The following PPAN variants were observed in gnomAD, a reference collection of about 807,000 sequenced individuals.
PPAN encodes peter pan homolog.
In PPAN, 39 loss-of-function variants were observed where a neutral mutation model predicts 48.5. The observed-to-expected ratio is 0.80, with a 90% CI of 0.62 to 1.05. PPAN has a LOEUF of 1.05. Ranked by LOEUF, PPAN falls within the 50% of genes least tolerant of loss-of-function variation. PPAN has a pLI of 0.00. For missense variants in PPAN, 736 were observed against 661.7 expected (o/e 1.11, Z -1.23); for synonymous variants, 315 against 268.6 (o/e 1.17, Z -1.69).
rs1476337188 is a variant in PPAN, at chr19:10,106,598, C to G, written c.116C>G (p.Thr39Arg). 5 of 1,550,548 alleles carry G rather than the reference C, an allele frequency of 3.2e-6. No homozygotes were observed. The highest frequency in any genetic ancestry group is 4.4e-6 in the Non-Finnish European group (5 of 1,147,862). The change falls in exon 2 of 12, where the codon ACG becomes AGG. Residue 39 changes from threonine to arginine, a missense_variant. Transcript: ENST00000253107. ...TCGTTCGTGTTCACGCGAGGCTGCA[C>G]GGGTCGCAACATCCGGCAGCTCAGC... ...PHSFVFTRGCTGRNIRQLSLD... is the reference protein window; with the variant it reads ...PHSFVFTRGCRGRNIRQLSLD...
chr19:10,106,444 G>A (rs1413049507), intron 1 of PPAN, 32 bp downstream of exon 1: 4 of 1,547,016 alleles, frequency 2.6e-6, no homozygotes, highest in African/African-American at 2.7e-5. Context: ...GGCAGGTGGC[G>A]CAGGTGGGGT....
chr19:10,111,839 C>T lies in PPAN; in HGVS notation c.*674C>T, dbSNP rs537575002. 1.9e-5 allele frequency: 27 copies of T among 1,392,568 alleles called. No homozygotes were observed. The highest frequency in any genetic ancestry group is 2.8e-5 in the African/African-American group (2 of 70,416). 86.3% of individuals were successfully genotyped at this position (1,392,568 alleles called of 1,614,324 possible). A position where few individuals can be genotyped will look rare whatever the true frequency, so the allele number is the denominator to read the frequency against. ...AAACACCTAGGTCTGGGGCTGGGCA[C>T]GGTGGCTCACGCCTGTAATCCCAGC... On this transcript the variant is annotated 3_prime_UTR_variant, in exon 12 of 12. Coordinates refer to ENST00000253107, the MANE Select transcript of PPAN (RefSeq NM_020230.7).
At position 10,107,615 on chromosome 19, in the gene PPAN, A is replaced by G; in HGVS notation, c.291+9A>G. ...AGACCAATGTCTACTTTGTGAGTAG[A>G]CGCCCTCACCCTTCATCTCCCCCAG... On this transcript the variant is annotated intron_variant, in intron 3 of 11. Transcript: ENST00000253107. 1.9e-6 allele frequency: 3 copies of G among 1,613,750 alleles called. No homozygotes were observed. Among genetic ancestry groups the G allele is most frequent in the East Asian group, 2.2e-5 (1 of 44,868 alleles).
chr19:10,107,868 A>AG lies in PPAN; in HGVS notation c.342+16dup. 6.2e-7 allele frequency: 1 copy of AG among 1,612,488 alleles called. No homozygotes were observed. On this transcript the variant is annotated intron_variant, in intron 4 of 11. Transcript: ENST00000253107. ...CAGGTCAAGAAGGTGAGAGGGGTGG[A>AG]GGTGGTACAAAGCCATGTGGGGTGG...
intron 5 of PPAN, among the ~76,000 whole-genome samples, chr19:10,108,941 G>C (rs967889178): frequency 6.6e-6 from 1 of 151,674 alleles, no homozygotes; most frequent in Non-Finnish European, 1.5e-5. Flanking sequence ...ATACGGCTCT[G>C]GGACCAGAAT....
In PPAN at chr19:10,111,276, AG is replaced by A. The variant is rs998142592; in HGVS notation, c.*112del. On this transcript the variant is annotated 3_prime_UTR_variant, in exon 12 of 12. Transcript: ENST00000253107. ...GTTGTGTCCCCAGCCCTTCCACTCC[AG>A]TAAAGAACTGAATTGGCCAGGGGTC... The A allele has an allele frequency of 1.6e-6, 2 of 1,252,218 alleles. No homozygotes were observed. Among genetic ancestry groups the A allele is most frequent in the Admixed American group, 5.7e-5 (2 of 34,886 alleles). The allele number at this position is 1,252,218 out of a possible 1,614,324, so 77.6% of individuals were successfully genotyped here. A position where few individuals can be genotyped will look rare whatever the true frequency, so the allele number is the denominator to read the frequency against.
At chr19:10,107,372 A>C (rs753884927) in intron 2 of PPAN, 133 bp from the exon 3 acceptor site, 56 of 869,988 alleles carry the variant, frequency 6.4e-5, no homozygotes, top group Admixed American at 1.4e-4. Flanking sequence ...AAAGGCTAAG[A>C]TCCTTTTGCT....
intron 2 of PPAN, chr19:10,106,884 A>T: frequency 2.6e-6 from 2 of 784,314 alleles, no homozygotes; most frequent in Non-Finnish European, 2.0e-6. Flanking sequence ...CCTAAGCCTG[A>T]CAGTTAAGAC....
At chr19:10,106,275 C>T (rs1207846101), upstream of PPAN, 2 of 1,489,678 alleles carry the variant, frequency 1.3e-6, no homozygotes, top group Non-Finnish European at 1.8e-6. Flanking sequence ...TCCCAGAGGC[C>T]ACCTAGTGCG....
Position 10,107,914 on chromosome 19 carries a change from C to T in PPAN, c.343-50C>T, listed in dbSNP as rs56114954. ...GGTGGGAGCTGGACTTGGGGTTGTC[C>T]GCAGCCATGTGTGGTTGGTGGTCAC... is the stretch of plus-strand genomic sequence containing the variant. On this transcript the variant is annotated intron_variant, in intron 4 of 11. Coordinates refer to ENST00000253107, the MANE Select transcript of PPAN (RefSeq NM_020230.7). 940 of 1,601,872 alleles carry T rather than the reference C, an allele frequency of 5.9e-4. 1 individual carries two copies. In the African/African-American group the frequency reaches 0.01, roughly 18 times the overall value.
At position 10,111,691 on chromosome 19, in the gene PPAN, G is replaced by A; in HGVS notation, c.*526G>A. The A allele has an allele frequency of 6.2e-7, 1 of 1,613,682 alleles. No individual in the cohort carries two copies. Among genetic ancestry groups the A allele is most frequent in the Non-Finnish European group, 8.5e-7 (1 of 1,179,866 alleles). ...GGGGGAGGGGCTGGGGAACTGGGTAGCAGACACAGGCTGAGGATCGGCACG... is the reference window on the plus strand; with the variant it reads ...GGGGGAGGGGCTGGGGAACTGGGTAACAGACACAGGCTGAGGATCGGCACG... On this transcript the variant is annotated 3_prime_UTR_variant, in exon 12 of 12. Coordinates refer to ENST00000253107, the MANE Select transcript of PPAN (RefSeq NM_020230.7).
chr19:10,111,844 G>A lies in PPAN; in HGVS notation c.*679G>A, dbSNP rs2089090948. 1.1e-5 allele frequency: 15 copies of A among 1,358,326 alleles called. No individual in the cohort carries two copies. Among genetic ancestry groups the A allele is most frequent in the Non-Finnish European group, 1.5e-5 (15 of 968,108 alleles). 84.1% of individuals were successfully genotyped at this position (1,358,326 alleles called of 1,614,324 possible). ...CCTAGGTCTGGGGCTGGGCACGGTG[G>A]CTCACGCCTGTAATCCCAGCACTTT... is the stretch of plus-strand genomic sequence containing the variant. On this transcript the variant is annotated 3_prime_UTR_variant, in exon 12 of 12. Coordinates refer to ENST00000253107, the MANE Select transcript of PPAN (RefSeq NM_020230.7).
intron 3 of PPAN, 41 bp downstream of exon 3, chr19:10,107,647 C>G (rs745609615): frequency 6.2e-6 from 10 of 1,609,938 alleles, no homozygotes; most frequent in Admixed American, 5.0e-5. Flanking sequence ...CCAGACCCCC[C>G]CTTCCCCTAT....
At chr19:10,106,452 G>A in intron 1 of PPAN, 40 bp downstream of exon 1, 1 of 1,547,206 alleles carries the variant, frequency 6.5e-7, no homozygotes, top group Non-Finnish European at 8.7e-7. Flanking sequence ...GCGCAGGTGG[G>A]GTCCCGGCCG....
intron 2 of PPAN, 109 bp from the exon 3 acceptor site, chr19:10,107,396 T>C: frequency 2.5e-6 from 3 of 1,197,716 alleles, no homozygotes; most frequent in Non-Finnish European, 3.5e-6. Context: ...CTGGGCTTGT[T>C]GAAAGGGTCA....
rs756294362 is a variant in PPAN, at chr19:10,107,861, G to C, written c.342+7G>C. The C allele has an allele frequency of 3.7e-6, 6 of 1,612,938 alleles. No individual in the cohort carries two copies. The highest frequency in any genetic ancestry group is 1.1e-5 in the South Asian group (1 of 91,052). ...GACCTTCCAGGTCAAGAAGGTGAGA[G>C]GGGTGGAGGTGGTACAAAGCCATGT... On this transcript the variant is annotated splice_region_variant and intron_variant, in intron 4 of 11. Transcript: ENST00000253107.
chr19:10,108,268 A>G (rs1474837311), intron 5 of PPAN, 134 bp downstream of exon 5: 15 of 1,327,368 alleles, frequency 1.1e-5, no homozygotes, highest in East Asian at 5.1e-5. Context: ...CCTGAGGTCA[A>G]ATCCCACTCC....
chr19:10,106,312 C>T (rs2088818680), upstream of PPAN: 3 of 1,542,498 alleles, frequency 1.9e-6, no homozygotes, highest in South Asian at 1.2e-5. Context: ...CGTCCCACGC[C>T]GTGCCGGCTC....
At chr19:10,106,250 A>C (rs551378309), upstream of PPAN, 150 of 1,408,378 alleles carry the variant, frequency 1.1e-4, no homozygotes, top group East Asian at 3.3e-3. Flanking sequence ...GCTCCATCTG[A>C]TTGCCCCTCC....
Sources: allele counts gnomAD v4.1 joint callset (sites outside exome capture counted in the v4.1 genomes callset), GRCh38; gene constraint gnomAD v4.1.1; transcripts MANE v1.5; gene names NCBI Gene and HGNC (gene_info 2026-07-23, HGNC 2026-07-21).